The following ZBTB7C variants were observed in gnomAD, a reference collection of about 807,000 sequenced individuals.
ZBTB7C encodes the protein zinc finger and BTB domain-containing protein 7C.
In ZBTB7C, 8 loss-of-function variants were observed where a neutral mutation model predicts 25.7. That is an observed-to-expected ratio of 0.31 (90% CI 0.18 to 0.56). The LOEUF (loss-of-function observed/expected upper bound fraction) is 0.56. Ranked by LOEUF, ZBTB7C falls within the 20% of genes least tolerant of loss-of-function variation. The probability of loss-of-function intolerance (pLI) is 0.91; values close to 1 mark genes in which losing one functional copy is unlikely to be tolerated. For missense variants in ZBTB7C, 824 were observed against 855.2 expected (o/e 0.96, Z 0.46); for synonymous variants, 394 against 369.0 (o/e 1.07, Z -0.78).
chr18:48,236,262 G>A (rs770718211), intron 2 of ZBTB7C, among the ~76,000 whole-genome samples: 6 of 152,122 alleles, frequency 3.9e-5, no homozygotes, highest in Non-Finnish European at 8.8e-5. Flanking sequence ...AATCCTAGTA[G>A]AGAATCAATC....
At chr18:48,185,617 T>TA (rs534193791) in intron 3 of ZBTB7C, among the ~76,000 whole-genome samples, 45 of 149,308 alleles carry the variant, frequency 3.0e-4, no homozygotes, top group East Asian at 5.9e-4. Context: ...TGGCCCCAAG[T>TA]AAAAAAAAAA....
intron 3 of ZBTB7C, among the ~76,000 whole-genome samples, chr18:48,047,748 C>A (rs2036530474): frequency 6.6e-6 from 1 of 152,216 alleles, no homozygotes; most frequent in African/African-American, 2.4e-5. Context: ...AAGGGGCCAG[C>A]AAGCTAGTGA....
At chr18:48,365,478 ACT>A (rs1267496483) in intron 1 of ZBTB7C, among the ~76,000 whole-genome samples, 1 of 152,050 alleles carries the variant, frequency 6.6e-6, no homozygotes, top group Non-Finnish European at 1.5e-5. Context: ...GGCACTACAG[ACT>A]CTCTATCTCC....
intron 2 of ZBTB7C, among the ~76,000 whole-genome samples, chr18:48,220,973 T>TCC (rs1392869599): frequency 6.6e-6 from 1 of 151,924 alleles, no homozygotes; most frequent in Non-Finnish European, 1.5e-5. Context: ...CTCTATACTG[T>TCC]CCTAGTTTCC....
chr18:48,268,340 G>A (rs969257274), intron 2 of ZBTB7C, among the ~76,000 whole-genome samples: 14 of 152,184 alleles, frequency 9.2e-5, no homozygotes, highest in Admixed American at 4.6e-4. Context: ...GTCACATTAG[G>A]GGAGAGAGAC....
chr18:48,155,799 T>G (rs2040824997), intron 3 of ZBTB7C, among the ~76,000 whole-genome samples: 1 of 152,214 alleles, frequency 6.6e-6, no homozygotes, highest in Non-Finnish European at 1.5e-5. Context: ...GAACTACCAC[T>G]AGTTTAGTGC....
intron 3 of ZBTB7C, among the ~76,000 whole-genome samples, chr18:48,170,307 T>A (rs2041426542): frequency 6.6e-6 from 1 of 152,240 alleles, no homozygotes; most frequent in African/African-American, 2.4e-5. Context: ...TAGTATCCAG[T>A]CTTCCTATTC....
intron 2 of ZBTB7C, among the ~76,000 whole-genome samples, chr18:48,256,197 G>C (rs1320281944): frequency 1.3e-5 from 2 of 151,700 alleles, no homozygotes; most frequent in Admixed American, 6.6e-5. Context: ...ATATGAAGAA[G>C]GTATACCAAG....
chr18:48,068,989 G>A (rs2037441275), intron 3 of ZBTB7C, among the ~76,000 whole-genome samples: 1 of 152,200 alleles, frequency 6.6e-6, no homozygotes, highest in Admixed American at 6.5e-5. Context: ...CTCAGGGAGT[G>A]AGATGAACTC....
chr18:48,122,253 G>C (rs995668066), intron 3 of ZBTB7C, among the ~76,000 whole-genome samples: 2 of 152,222 alleles, frequency 1.3e-5, no homozygotes, highest in African/African-American at 4.8e-5. Flanking sequence ...GTGCTGTACA[G>C]TGTCTGGATC....
chr18:48,180,146 TCTTTCCCTC>T (rs2041872132), intron 3 of ZBTB7C, among the ~76,000 whole-genome samples: 31 of 129,470 alleles, frequency 2.4e-4, no homozygotes, highest in Admixed American at 5.4e-4. Flanking sequence ...CTTCCTTCCT[TCTTTCCCTC>T]CCTCCCTCCC....
At chr18:48,238,866 C>T (rs1225351027) in intron 2 of ZBTB7C, among the ~76,000 whole-genome samples, 2 of 152,204 alleles carry the variant, frequency 1.3e-5, no homozygotes, top group Admixed American at 1.3e-4. Flanking sequence ...GCCCTTCCTG[C>T]TTTCTCAGCA....
intron 2 of ZBTB7C, among the ~76,000 whole-genome samples, chr18:48,235,752 T>C (rs1312187820): frequency 1.3e-5 from 2 of 152,212 alleles, no homozygotes; most frequent in African/African-American, 2.4e-5. Context: ...CTCAGCACTT[T>C]GAAGATGTCT....
intron 1 of ZBTB7C, among the ~76,000 whole-genome samples, chr18:48,348,146 C>T (rs567848106): frequency 2.0e-5 from 3 of 152,372 alleles, no homozygotes; most frequent in African/African-American, 4.8e-5. Flanking sequence ...TTGGCACCTA[C>T]TTCCACTTTG....
Position 48,040,174 on chromosome 18 carries a change from C to A in ZBTB7C, c.934G>T (p.Asp312Tyr). 1.9e-6 allele frequency: 3 copies of A among 1,577,168 alleles called. No homozygotes were observed. The highest frequency in any genetic ancestry group is 2.6e-6 in the Non-Finnish European group (3 of 1,162,594). Residue 312 changes from aspartate (D) to tyrosine (Y), a missense_variant, in exon 4 of 5, where the codon GAC (aspartate) becomes TAC (tyrosine). Asp to Tyr is a radical substitution (Grantham distance 160). Around this residue, in one of 4 missense-constraint regions of ZBTB7C, gnomAD observed 316 missense variants for 299.2 expected, o/e 1.06. Coordinates refer to ENST00000590800, the MANE Select transcript of ZBTB7C (RefSeq NM_001318841.2). ...CCCCCCGGCAGGTCAGGGAACATGTCCTTGAAGAAGTCATTAGGGAAGGGT... is the reference window on the plus strand; with the variant it reads ...CCCCCCGGCAGGTCAGGGAACATGTACTTGAAGAAGTCATTAGGGAAGGGT... ...PPPFPNDFFK[D>Y]MFPDLPGGPL...
intron 2 of ZBTB7C, among the ~76,000 whole-genome samples, chr18:48,226,152 G>A (rs1362089448): frequency 6.6e-6 from 1 of 152,194 alleles, no homozygotes; most frequent in East Asian, 1.9e-4. Context: ...CCCATGTGGA[G>A]CCCAGCCCAA....
At chr18:48,186,532 C>T (rs2042059104) in intron 2 of ZBTB7C, among the ~76,000 whole-genome samples, 1 of 152,138 alleles carries the variant, frequency 6.6e-6, no homozygotes, top group African/African-American at 2.4e-5. Context: ...GAAAATGCAT[C>T]GGGGAGGTTG....
chr18:48,092,366 T>A (rs2038451759), intron 3 of ZBTB7C, among the ~76,000 whole-genome samples: 1 of 152,234 alleles, frequency 6.6e-6, no homozygotes, highest in South Asian at 2.1e-4. Context: ...CCAAACCTGT[T>A]TATGCCAGTT....
Position 48,215,451 on chromosome 18 carries a change from G to A in ZBTB7C, c.-78-29456C>T, listed in dbSNP as rs145163237. ...TCATAAGACATCAATCAATATATGA[G>A]AGGTATACATTGGTTCAGTCCAGAA... On this transcript the variant is annotated intron_variant, in intron 2 of 4. Coordinates refer to ENST00000590800, the MANE Select transcript of ZBTB7C (RefSeq NM_001318841.2). 2.4e-3 allele frequency among the ~76,000 whole-genome samples: 364 copies of A among 152,312 alleles called. 3 individuals carry two copies. Among genetic ancestry groups the A allele is most frequent in the African/African-American group, 8.5e-3 (352 of 41,560 alleles).
Sources: allele counts gnomAD v4.1 joint callset (sites outside exome capture counted in the v4.1 genomes callset), GRCh38; gene constraint gnomAD v4.1.1; regional missense constraint gnomAD v4.1.1; transcripts MANE v1.5; gene names NCBI Gene and HGNC (gene_info 2026-07-23, HGNC 2026-07-21).